ABCB11: variants seen among roughly 807,000 people sequenced by gnomAD.
The protein encoded by ABCB11 is bile salt export pump.
In ABCB11, 95 loss-of-function variants were observed where a neutral mutation model predicts 148.0. The observed-to-expected ratio is 0.64, with a 90% CI of 0.54 to 0.76. The LOEUF (loss-of-function observed/expected upper bound fraction) is 0.76, where lower values mean the gene tolerates loss of function less well. Among genes scored for constraint, ABCB11 ranks in the 30% least tolerant of loss-of-function variants. The pLI is 0.00. For synonymous variants in ABCB11, 591 were observed against 555.4 expected (o/e 1.06, Z -0.90); for missense variants, 1,523 against 1,617.8 (o/e 0.94, Z 1.01).
intron 19 of ABCB11, among the ~76,000 whole-genome samples, chr2:168,946,562 GTC>G (rs1340124774): frequency 5.3e-5 from 8 of 151,648 alleles, no homozygotes; most frequent in Non-Finnish European, 1.0e-4. Flanking sequence ...AGTTTACAGA[GTC>G]TAAAAATTCA....
At chr2:168,957,571 A>T (rs1409810144) in intron 19 of ABCB11, among the ~76,000 whole-genome samples, 1 of 151,722 alleles carries the variant, frequency 6.6e-6, no homozygotes, top group East Asian at 2.0e-4. Context: ...CCTGCTATAT[A>T]AGTCAAACTT....
rs187616320 is a variant in ABCB11 at position 168,974,994 on chromosome 2, G to C, written c.1309-1154C>G. On this transcript the variant is annotated intron_variant, in intron 12 of 27. Transcript: ENST00000650372. Reference sequence around the variant, plus strand: ...GATATACACTTATATTTGTACATTTGTTATATATATTTATAGATATATTTA... The same window carrying C: ...GATATACACTTATATTTGTACATTTCTTATATATATTTATAGATATATTTA... Among the ~76,000 whole-genome samples the C allele has an allele frequency of 7.5e-3, 1,091 of 144,950 alleles. 5 individuals carry two copies. Among genetic ancestry groups the C allele is most frequent in the Non-Finnish European group, 0.012 (805 of 66,774 alleles).
chr2:168,968,378 CCT>C (rs754738983), intron 17 of ABCB11, 47 bp downstream of exon 17: 2 of 1,556,282 alleles, frequency 1.3e-6, no homozygotes, highest in Non-Finnish European at 1.8e-6. Context: ...ACAGAGGACT[CCT>C]CAGAATATTT....
intron 5 of ABCB11, among the ~76,000 whole-genome samples, chr2:169,006,749 T>C (rs10196426): frequency 0.12 from 18,911 of 152,112 alleles, 1,927 homozygotes; most frequent in African/African-American, 0.28. Flanking sequence ...AGTTGTATTT[T>C]GCGATAGTAG....
At chr2:168,971,301 A>G (rs2105962370) in intron 14 of ABCB11, among the ~76,000 whole-genome samples, 1 of 152,138 alleles carries the variant, frequency 6.6e-6, no homozygotes, top group Middle Eastern at 3.4e-3. Flanking sequence ...AACCCTTTAT[A>G]ATAACTCTTC....
At chr2:168,943,200 C>A (rs1247695072) in intron 21 of ABCB11, among the ~76,000 whole-genome samples, 1 of 151,910 alleles carries the variant, frequency 6.6e-6, no homozygotes, top group Non-Finnish European at 1.5e-5. Context: ...AAGATTATGA[C>A]TTATTTATTT....
intron 17 of ABCB11, among the ~76,000 whole-genome samples, chr2:168,965,389 T>C (rs148649306): frequency 1.6e-4 from 24 of 151,870 alleles, no homozygotes; most frequent in African/African-American, 5.5e-4. Context: ...TTGACAATTA[T>C]GTTGAGACCT....
chr2:168,915,535 T>C (rs1690924972), exon 3 of ABCB11, among the ~76,000 whole-genome samples: 1 of 151,904 alleles, frequency 6.6e-6, no homozygotes, highest in Non-Finnish European at 1.5e-5. Flanking sequence ...AAGTGAGAGG[T>C]GTCTTTTTCT....
chr2:168,978,939 T>G (rs1006050907), intron 11 of ABCB11, among the ~76,000 whole-genome samples: 1 of 151,716 alleles, frequency 6.6e-6, no homozygotes, highest in African/African-American at 2.4e-5. Context: ...AGGCTGGTCT[T>G]GAACTCCTGG....
chr2:168,979,972 A>C lies in ABCB11; in HGVS notation c.1091T>G (p.Leu364Arg). 1 of 1,597,172 alleles carries C rather than the reference A, an allele frequency of 6.3e-7. No individual in the cohort carries two copies. ...YTPGTLVQIF[L>R]SVIVGALNLG... The stretch of plus-strand genomic sequence containing the variant: ...ATTTAAAGCTCCTACTATGACACTG[A>C]GGAAAATCTGAAATGAAAAGAGAGA... The change falls in exon 11 of 28, where the codon CTC becomes CGC. Residue 364 changes from leucine to arginine, a missense_variant. By Grantham distance (102) the Leu-to-Arg change is moderately radical. Coordinates refer to ENST00000650372, the MANE Select transcript of ABCB11 (RefSeq NM_003742.4).
At chr2:168,946,892 G>A (rs1692347407) in intron 19 of ABCB11, among the ~76,000 whole-genome samples, 1 of 151,636 alleles carries the variant, frequency 6.6e-6, no homozygotes, top group African/African-American at 2.4e-5. Flanking sequence ...AAAAGAAAGA[G>A]CATTTAGCTA....
intron 5 of ABCB11, among the ~76,000 whole-genome samples, chr2:169,012,922 A>T (rs1695233208): frequency 6.6e-6 from 1 of 151,956 alleles, no homozygotes; most frequent in African/African-American, 2.4e-5. Context: ...TGGGGGGGAA[A>T]AATAGAACTC....
Position 168,921,097 on chromosome 2 carries a change from A to T in ABCB11, c.*2525T>A, listed in dbSNP as rs1691062928. Among the ~76,000 whole-genome samples the T allele has an allele frequency of 6.6e-6, 1 of 152,118 alleles. No individual in the cohort carries two copies. The highest frequency in any genetic ancestry group is 1.5e-5 in the Non-Finnish European group (1 of 68,032). On this transcript the variant is annotated 3_prime_UTR_variant, in exon 28 of 28. Coordinates refer to ENST00000650372, the MANE Select transcript of ABCB11 (RefSeq NM_003742.4). The stretch of plus-strand genomic sequence containing the variant: ...GAGGATTAGCATGCATTTATTGCAA[A>T]CCTTAATTTCCTCTAAAAGGCATCT...
intron 18 of ABCB11, among the ~76,000 whole-genome samples, chr2:168,959,613 A>AT (rs1423891034): frequency 6.6e-6 from 1 of 151,562 alleles, no homozygotes; most frequent in South Asian, 2.1e-4. Context: ...CATTCGGGTT[A>AT]TTTTTTCAAG....
intron 13 of ABCB11, among the ~76,000 whole-genome samples, chr2:168,972,456 A>G (rs1295711003): frequency 2.0e-5 from 2 of 100,132 alleles, no homozygotes; most frequent in Non-Finnish European, 4.6e-5. Flanking sequence ...TATGATTTAT[A>G]GTAAGTCTTA....
At chr2:168,980,290 T>C (rs1468834168) in intron 10 of ABCB11, among the ~76,000 whole-genome samples, 1 of 152,170 alleles carries the variant, frequency 6.6e-6, no homozygotes. Flanking sequence ...CAAAGTGGAC[T>C]TGAATAGTGA....
intron 12 of ABCB11, among the ~76,000 whole-genome samples, chr2:168,975,069 A>G (rs1693760491): frequency 7.3e-6 from 1 of 137,738 alleles, no homozygotes; most frequent in Non-Finnish European, 1.5e-5. Context: ...AAATATAGAT[A>G]AATATATAAA....
intron 19 of ABCB11, among the ~76,000 whole-genome samples, chr2:168,946,678 G>C (rs1692338441): frequency 6.6e-6 from 1 of 151,624 alleles, no homozygotes; most frequent in African/African-American, 2.4e-5. Context: ...CTTTTATAAT[G>C]ATGGTCTATA....
chr2:169,002,401 A>G (rs184158205), intron 5 of ABCB11, among the ~76,000 whole-genome samples: 60 of 152,298 alleles, frequency 3.9e-4, no homozygotes, highest in Admixed American at 1.4e-3. Context: ...AGGTTCCTCA[A>G]AAAGTTAGAA....
Sources: gnomAD v4.1 joint callset for allele counts (sites outside exome capture counted in the v4.1 genomes callset) on GRCh38, gnomAD v4.1.1 for gene constraint, MANE v1.5 for transcripts, NCBI Gene and HGNC (gene_info 2026-07-23, HGNC 2026-07-21) for gene names.